The following DAB1 variants were observed in gnomAD, a reference collection of about 807,000 sequenced individuals.
The protein encoded by DAB1 is DAB adaptor protein 1, also known as disabled homolog 1.
A neutral mutation model predicts 64.6 loss-of-function variants in DAB1; 15 were observed. The ratio of observed to expected loss-of-function variants is 0.23; its 90% CI spans 0.16 to 0.36. The LOEUF is 0.36. Ranked by LOEUF, DAB1 falls within the 10% of genes least tolerant of loss-of-function variation. The probability of loss-of-function intolerance (pLI) is 1.00; values close to 1 mark genes in which losing one functional copy is unlikely to be tolerated. For synonymous variants in DAB1, 235 were observed against 251.9 expected (o/e 0.93, Z 0.64); for missense variants, 596 against 706.7 (o/e 0.84, Z 1.78).
intron 4 of DAB1, among the ~76,000 whole-genome samples, chr1:58,311,016 G>C (rs1178751974): frequency 1.3e-5 from 2 of 152,066 alleles, no homozygotes; most frequent in Non-Finnish European, 2.9e-5. Context: ...CTTTGGATCT[G>C]TCTCTAGCTT....
At chr1:58,025,686 T>TATATA in intron 5 of DAB1, among the ~76,000 whole-genome samples, 1 of 138,948 alleles carries the variant, frequency 7.2e-6, no homozygotes, top group Non-Finnish European at 1.5e-5. Context: ...TATATATATA[T>TATATA]GGCCTTTAAT....
rs532779290 is a variant in DAB1, at chr1:57,816,969, T to A, written n.551+67030A>T. Among the ~76,000 whole-genome samples, 5 of 152,280 alleles carry A rather than the reference T, an allele frequency of 3.3e-5. No homozygotes were observed. In the East Asian group the frequency reaches 9.7e-4, roughly 29 times the overall value. On this transcript the variant is annotated intron_variant and non_coding_transcript_variant, in intron 6 of 20. Coordinates refer to the DAB1 transcript ENST00000485760. ...TCTCACCTTCTCATTCTGTTCCTTA[T>A]CCCTCAAGACGAAATTATCTCATAA...
intron 7 of DAB1, among the ~76,000 whole-genome samples, chr1:57,593,883 T>A (rs1352054633): frequency 6.6e-6 from 1 of 152,196 alleles, no homozygotes; most frequent in East Asian, 1.9e-4. Flanking sequence ...TTCCCAAAAG[T>A]TCTAGCAGAA....
At chr1:57,435,916 C>CTTT (rs1183686656) in intron 7 of DAB1, among the ~76,000 whole-genome samples, 17 of 127,198 alleles carry the variant, frequency 1.3e-4, no homozygotes, top group Non-Finnish European at 2.0e-4. Context: ...TTTTTTCTTT[C>CTTT]TTTTTTTTTT....
chr1:57,978,504 CGGA>C, intron 5 of DAB1, among the ~76,000 whole-genome samples: 1 of 152,074 alleles, frequency 6.6e-6, no homozygotes, highest in South Asian at 2.1e-4. Flanking sequence ...ACACAGGCAC[CGGA>C]AAAGACTTCA....
intron 14 of DAB1, among the ~76,000 whole-genome samples, chr1:57,008,063 G>A (rs891868811): frequency 1.3e-5 from 2 of 152,192 alleles, no homozygotes; most frequent in African/African-American, 4.8e-5. Context: ...GCCAGGCTAA[G>A]CTTTCAAAGG....
intron 7 of DAB1, among the ~76,000 whole-genome samples, chr1:57,607,836 A>T (rs1312755452): frequency 6.6e-6 from 1 of 152,232 alleles, no homozygotes; most frequent in Non-Finnish European, 1.5e-5. Context: ...GTCTGAAGGC[A>T]GATGGGTGAT....
chr1:57,630,182 C>G (rs1356998946), intron 7 of DAB1, among the ~76,000 whole-genome samples: 1 of 152,146 alleles, frequency 6.6e-6, no homozygotes, highest in East Asian at 1.9e-4. Context: ...GGGCAACAAA[C>G]AGCCAAAGGA....
chr1:57,388,126 T>A (rs1275074984), intron 1 of DAB1, among the ~76,000 whole-genome samples: 2 of 152,214 alleles, frequency 1.3e-5, no homozygotes, highest in African/African-American at 4.8e-5. Flanking sequence ...TGCATTTTCC[T>A]TTACACATTT....
chr1:57,847,918 T>C (rs1408879755), intron 1 of DAB1, among the ~76,000 whole-genome samples: 1 of 152,208 alleles, frequency 6.6e-6, no homozygotes, highest in Non-Finnish European at 1.5e-5. Context: ...TTGCCTCATT[T>C]AATGTTGGAG....
At chr1:57,626,080 TC>T (rs1184111984) in intron 7 of DAB1, among the ~76,000 whole-genome samples, 1 of 152,076 alleles carries the variant, frequency 6.6e-6, no homozygotes, top group Non-Finnish European at 1.5e-5. Context: ...CATTATGGAA[TC>T]CCTTTTTTTT....
chr1:58,293,503 A>T (rs1178766915), intron 4 of DAB1, among the ~76,000 whole-genome samples: 2 of 152,216 alleles, frequency 1.3e-5, no homozygotes, highest in Admixed American at 6.5e-5. Context: ...ATAACCCAGT[A>T]GAGTATAAAT....
chr1:57,636,037 C>T (rs1570693196), intron 7 of DAB1, among the ~76,000 whole-genome samples: 2 of 137,314 alleles, frequency 1.5e-5, no homozygotes, highest in East Asian at 5.0e-4. Flanking sequence ...GTGGAGATTG[C>T]AGTGAGCCAA....
intron 1 of DAB1, chr1:58,536,489 T>C (rs1404010489): frequency 1.2e-6 from 1 of 848,958 alleles, no homozygotes; most frequent in South Asian, 1.3e-5. Context: ...AGCAGTCTAA[T>C]TAAAAACAAC....
At chr1:57,441,242 A>ATCTTT (rs10546051) in intron 7 of DAB1, among the ~76,000 whole-genome samples, 11 of 147,524 alleles carry the variant, frequency 7.5e-5, no homozygotes, top group African/African-American at 2.2e-4. Context: ...CACAGGTACA[A>ATCTTT]TCTTTTCTTT....
At chr1:57,240,288 T>C (rs183545116) in intron 2 of DAB1, among the ~76,000 whole-genome samples, 20 of 152,122 alleles carry the variant, frequency 1.3e-4, no homozygotes, top group Admixed American at 1.3e-3. Flanking sequence ...AAACACACAT[T>C]CAAATTTCAG....
Position 57,164,095 on chromosome 1 carries a change from G to C in DAB1, c.68-18666C>G, listed in dbSNP as rs190957154. Among the ~76,000 whole-genome samples the C allele has an allele frequency of 2.6e-5, 4 of 152,210 alleles. No homozygotes were observed. In the East Asian group the frequency reaches 7.7e-4, roughly 29 times the overall value. ...TATCATATGGAAGAGACAATATGAG[G>C]TTTGAGGTCTCGGAATGAAATGAGG... On this transcript the variant is annotated intron_variant, in intron 2 of 14. Transcript: ENST00000371236.
chr1:58,486,082 G>A (rs775012531), intron 3 of DAB1, among the ~76,000 whole-genome samples: 2 of 152,198 alleles, frequency 1.3e-5, no homozygotes, highest in Admixed American at 6.5e-5. Context: ...ACTGCGTGAG[G>A]TATTTTACAC....
At chr1:57,636,605 T>C (rs116060642) in intron 7 of DAB1, among the ~76,000 whole-genome samples, 1,664 of 152,280 alleles carry the variant, frequency 0.011, 29 homozygotes, top group African/African-American at 0.038. Flanking sequence ...GAATCCTGAA[T>C]GCAGTTTGCA....
Sources: gnomAD v4.1 joint callset for allele counts (sites outside exome capture counted in the v4.1 genomes callset) on GRCh38, gnomAD v4.1.1 for gene constraint, MANE v1.5 for transcripts, NCBI Gene and HGNC (gene_info 2026-07-23, HGNC 2026-07-21) for gene names.